Variants in SCEL observed in about 807,000 individuals in gnomAD.
SCEL encodes sciellin.
SCEL carries 113 observed loss-of-function variants against 117.6 expected under a neutral mutation model. The ratio of observed to expected loss-of-function variants is 0.96; its 90% CI spans 0.83 to 1.12. The LOEUF (loss-of-function observed/expected upper bound fraction) is 1.12, where lower values mean the gene tolerates loss of function less well. Ranked by LOEUF, SCEL falls within the 50% of genes most tolerant of loss-of-function variation. SCEL has a pLI of 0.00. For missense variants in SCEL, 785 were observed against 810.8 expected, an observed-to-expected ratio of 0.97 and a Z score of 0.39; for synonymous variants, 270 against 256.2, an observed-to-expected ratio of 1.05 and a Z score of -0.51.
At chr13:77,641,749 AATCC>A (rs1229884981) in intron 31 of SCEL, among the ~76,000 whole-genome samples, 8 of 152,196 alleles carry the variant, frequency 5.3e-5, no homozygotes, top group African/African-American at 1.9e-4. Context: ...CAAATGATCA[AATCC>A]AGTCAAAGAA....
At chr13:77,626,917 C>G (rs2089766086) in intron 27 of SCEL, among the ~76,000 whole-genome samples, 1 of 151,760 alleles carries the variant, frequency 6.6e-6, no homozygotes, top group Non-Finnish European at 1.5e-5. Context: ...TGCTCCTACC[C>G]TATTAACAAA....
chr13:77,620,551 C>T (rs1377388442), intron 27 of SCEL, among the ~76,000 whole-genome samples: 1 of 152,198 alleles, frequency 6.6e-6, no homozygotes, highest in African/African-American at 2.4e-5. Flanking sequence ...CCTTGAGCTT[C>T]TTCTAGGAAC....
At position 77,590,787 on chromosome 13, in the gene SCEL, A is replaced by G. The variant is rs112729853; in HGVS notation, c.627-608A>G. ...TTAACACATGTCCTCAGGAGTACAA[A>G]AAATAGTCGAATATAGCTTCTTGAG... On this transcript the variant is annotated intron_variant, in intron 10 of 32. Coordinates refer to ENST00000349847, the MANE Select transcript of SCEL (RefSeq NM_144777.3). Among the ~76,000 whole-genome samples the G allele has an allele frequency of 5.4e-3, 822 of 152,228 alleles. 10 individuals carry two copies. The highest frequency in any genetic ancestry group is 0.019 in the African/African-American group (784 of 41,574).
At chr13:77,563,759 T>C (rs1028772976) in intron 4 of SCEL, 72 bp from the exon 5 acceptor site, 2 of 1,142,454 alleles carry the variant, frequency 1.8e-6, no homozygotes, top group Non-Finnish European at 2.5e-6. Flanking sequence ...GCCATATGTA[T>C]GATAGGTTTT....
At chr13:77,574,190 C>G (rs551706553) in intron 9 of SCEL, among the ~76,000 whole-genome samples, 1 of 152,284 alleles carries the variant, frequency 6.6e-6, no homozygotes, top group East Asian at 1.9e-4. Flanking sequence ...AAAGATTATT[C>G]ATGAATTAAC....
intron 29 of SCEL, among the ~76,000 whole-genome samples, chr13:77,635,166 C>G (rs567861730): frequency 2.0e-4 from 31 of 152,264 alleles, no homozygotes; most frequent in African/African-American, 7.5e-4. Flanking sequence ...CAATACATGT[C>G]AGGAGGTAAG....
intron 5 of SCEL, among the ~76,000 whole-genome samples, chr13:77,566,092 T>C (rs533882926): frequency 1.3e-5 from 2 of 152,278 alleles, no homozygotes; most frequent in South Asian, 2.1e-4. Flanking sequence ...TCCATTACCA[T>C]TGATAGACTT....
chr13:77,636,147 C>T (rs1280928622), intron 29 of SCEL, among the ~76,000 whole-genome samples: 3 of 152,202 alleles, frequency 2.0e-5, no homozygotes, highest in Admixed American at 2.0e-4. Context: ...TGACAGGCAG[C>T]GTGGTACAGT....
intron 1 of SCEL, among the ~76,000 whole-genome samples, chr13:77,553,082 C>T (rs1403463483): frequency 6.6e-6 from 1 of 152,158 alleles, no homozygotes; most frequent in Non-Finnish European, 1.5e-5. Context: ...TTTAAAGGCC[C>T]TGTCTCCAAA....
At chr13:77,539,686 C>A (rs1321127437) in intron 1 of SCEL, among the ~76,000 whole-genome samples, 1 of 152,134 alleles carries the variant, frequency 6.6e-6, no homozygotes, top group African/African-American at 2.4e-5. Flanking sequence ...AGGCGCCCAC[C>A]ACCACGCCCA....
intron 1 of SCEL, among the ~76,000 whole-genome samples, chr13:77,550,008 GT>G (rs397851742): frequency 0.096 from 13,509 of 140,222 alleles, 639 homozygotes; most frequent in South Asian, 0.17. Flanking sequence ...CCTGCTGCCA[GT>G]TTTTTTTTTT....
chr13:77,567,916 A>G (rs1039170664), intron 6 of SCEL, among the ~76,000 whole-genome samples, 168 bp downstream of exon 6: 2 of 152,248 alleles, frequency 1.3e-5, no homozygotes, highest in African/African-American at 4.8e-5. Flanking sequence ...TAGCTTAAGA[A>G]TCAAGAGCAC....
intron 11 of SCEL, among the ~76,000 whole-genome samples, chr13:77,593,297 T>TGCGCG (rs776632183): frequency 8.5e-6 from 1 of 117,106 alleles, no homozygotes; most frequent in African/African-American, 3.1e-5. Flanking sequence ...TGTGTGTGTG[T>TGCGCG]CTGTGTGTGT....
At chr13:77,546,432 T>C (rs2083992031) in intron 1 of SCEL, among the ~76,000 whole-genome samples, 1 of 152,206 alleles carries the variant, frequency 6.6e-6, no homozygotes, top group Admixed American at 6.5e-5. Context: ...GATCCCATAA[T>C]TATAGATAAT....
At chr13:77,609,350 G>A (rs562940073) in intron 21 of SCEL, among the ~76,000 whole-genome samples, 7 of 152,274 alleles carry the variant, frequency 4.6e-5, no homozygotes, top group African/African-American at 1.7e-4. Context: ...GGATGGACTG[G>A]ACATTTTTAT....
intron 27 of SCEL, among the ~76,000 whole-genome samples, chr13:77,627,081 C>T (rs1422160530): frequency 6.6e-6 from 1 of 152,106 alleles, no homozygotes; most frequent in Admixed American, 6.6e-5. Flanking sequence ...TCCATTTCTT[C>T]CCCCACATAA....
intron 20 of SCEL, 29 bp from the exon 21 acceptor site, chr13:77,609,029 T>C (rs773224851): frequency 2.7e-6 from 4 of 1,504,768 alleles, no homozygotes; most frequent in Non-Finnish European, 3.6e-6. Context: ...CATTTTTATT[T>C]ATGATGTTTT....
At chr13:77,568,168 T>A in intron 6 of SCEL, 127 bp from the exon 7 acceptor site, 2 of 636,228 alleles carry the variant, frequency 3.1e-6, no homozygotes, top group South Asian at 3.9e-5. Context: ...TATTAAAATA[T>A]GATGCTTTCT....
At chr13:77,609,964 A>T in intron 21 of SCEL, 83 bp from the exon 22 acceptor site, 3 of 742,324 alleles carry the variant, frequency 4.0e-6, no homozygotes, top group Non-Finnish European at 6.1e-6. Flanking sequence ...ATATTTTATA[A>T]TAAAAGTATT....
Sources: gnomAD v4.1 joint callset for allele counts (sites outside exome capture counted in the v4.1 genomes callset) on GRCh38, gnomAD v4.1.1 for gene constraint, MANE v1.5 for transcripts, NCBI Gene and HGNC (gene_info 2026-07-23, HGNC 2026-07-21) for gene names.